SUPT3H: variants seen among roughly 807,000 people sequenced by gnomAD.
SUPT3H encodes transcription initiation protein SPT3 homolog.
In SUPT3H, 44 loss-of-function variants were observed where a neutral mutation model predicts 44.3. The observed-to-expected ratio is 0.99, with a 90% CI of 0.78 to 1.28. The LOEUF is 1.28. Among genes scored for constraint, SUPT3H ranks in the 50% most tolerant of loss-of-function variants. The pLI is 0.00. For missense variants in SUPT3H, 380 were observed against 387.1 expected (o/e 0.98, Z 0.15); for synonymous variants, 124 against 125.6 (o/e 0.99, Z 0.09).
At chr6:44,848,762 C>A (rs1449751436) in intron 10 of SUPT3H, among the ~76,000 whole-genome samples, 36 of 152,114 alleles carry the variant, frequency 2.4e-4, no homozygotes. Context: ...GATTACTATG[C>A]CCATTTTAGA....
At chr6:44,887,692 C>G (rs1328066690) in intron 10 of SUPT3H, among the ~76,000 whole-genome samples, 1 of 151,354 alleles carries the variant, frequency 6.6e-6, no homozygotes. Context: ...GACACCCTAA[C>G]ATCACAATTA....
chr6:45,063,284 G>T (rs1378512356), intron 3 of SUPT3H, among the ~76,000 whole-genome samples: 1 of 147,772 alleles, frequency 6.8e-6, no homozygotes, highest in African/African-American at 2.5e-5. Context: ...CAAACAGAAA[G>T]GACATCCACA....
intron 1 of SUPT3H, among the ~76,000 whole-genome samples, chr6:45,372,404 T>C (rs1448851479): frequency 6.6e-6 from 1 of 152,170 alleles, no homozygotes; most frequent in Non-Finnish European, 1.5e-5. Context: ...CTGTTAAACA[T>C]GTATATTCTC....
At chr6:45,076,297 T>C (rs1304181111) in intron 3 of SUPT3H, among the ~76,000 whole-genome samples, 1 of 152,146 alleles carries the variant, frequency 6.6e-6, no homozygotes, top group African/African-American at 2.4e-5. Context: ...CATACAGTCA[T>C]GTGAATGGTA....
chr6:45,184,383 T>A (rs1813811621), intron 2 of SUPT3H, among the ~76,000 whole-genome samples: 1 of 152,160 alleles, frequency 6.6e-6, no homozygotes, highest in African/African-American at 2.4e-5. Flanking sequence ...ATGGTAATAA[T>A]GAATCACAGC....
At chr6:45,206,989 G>A (rs1763313373) in intron 2 of SUPT3H, among the ~76,000 whole-genome samples, 1 of 152,070 alleles carries the variant, frequency 6.6e-6, no homozygotes, top group Admixed American at 6.6e-5. Flanking sequence ...AAACAGTTGG[G>A]TATATGGTAT....
chr6:44,820,367 T>A (rs767329881), intron 11 of SUPT3H, among the ~76,000 whole-genome samples: 5 of 152,172 alleles, frequency 3.3e-5, no homozygotes, highest in South Asian at 2.1e-4. Context: ...GCAAAAATGT[T>A]TTTTAAAAGA....
chr6:44,929,239 A>G (rs1770145902), intron 10 of SUPT3H, among the ~76,000 whole-genome samples: 2 of 152,160 alleles, frequency 1.3e-5, no homozygotes, highest in Admixed American at 1.3e-4. Flanking sequence ...GAAATTGATC[A>G]TGTCATTTGG....
At chr6:45,149,280 CT>C (rs1417295562) in intron 2 of SUPT3H, among the ~76,000 whole-genome samples, 3 of 152,112 alleles carry the variant, frequency 2.0e-5, no homozygotes, top group African/African-American at 7.2e-5. Flanking sequence ...TAAATGCCAA[CT>C]TGTAGCTATC....
intron 2 of SUPT3H, among the ~76,000 whole-genome samples, chr6:45,156,664 C>T (rs1160298309): frequency 6.6e-6 from 1 of 151,492 alleles, no homozygotes. Flanking sequence ...CCCAAAGAAA[C>T]ATAAATAAGT....
chr6:45,252,669 CATCT>C (rs1465073326), intron 2 of SUPT3H, among the ~76,000 whole-genome samples: 1 of 150,938 alleles, frequency 6.6e-6, no homozygotes, highest in Non-Finnish European at 1.5e-5. Context: ...TGTCAGAAAA[CATCT>C]ATCAGAAGAG....
chr6:44,979,705 T>A (rs1452466012), intron 6 of SUPT3H, among the ~76,000 whole-genome samples: 1 of 152,142 alleles, frequency 6.6e-6, no homozygotes, highest in Non-Finnish European at 1.5e-5. Context: ...TCTCATGACA[T>A]GGGACAAAAA....
intron 2 of SUPT3H, among the ~76,000 whole-genome samples, chr6:45,344,198 A>C (rs1293787431): frequency 6.6e-6 from 1 of 152,226 alleles, no homozygotes; most frequent in African/African-American, 2.4e-5. Flanking sequence ...GAGTTAGACC[A>C]TGACAAAGTT....
intron 2 of SUPT3H, among the ~76,000 whole-genome samples, chr6:45,179,133 A>C (rs1488634025): frequency 1.3e-5 from 2 of 152,214 alleles, no homozygotes; most frequent in African/African-American, 4.8e-5. Context: ...ATCTAGAAGA[A>C]ATGGATAAAT....
At chr6:45,013,322 A>G (rs1783770655) in intron 5 of SUPT3H, among the ~76,000 whole-genome samples, 1 of 151,804 alleles carries the variant, frequency 6.6e-6, no homozygotes, top group African/African-American at 2.4e-5. Context: ...CAGGATCTTC[A>G]TTGTTGTTGT....
At chr6:45,358,118 G>T (rs772131941) in intron 2 of SUPT3H, among the ~76,000 whole-genome samples, 8 of 152,036 alleles carry the variant, frequency 5.3e-5, no homozygotes, top group African/African-American at 1.2e-4. Flanking sequence ...ATCAATGACC[G>T]TGTTAAAATC....
intron 2 of SUPT3H, among the ~76,000 whole-genome samples, chr6:45,296,079 C>T (rs1781143092): frequency 6.6e-6 from 1 of 151,746 alleles, no homozygotes; most frequent in Admixed American, 6.6e-5. Flanking sequence ...ACCCAGATGC[C>T]CATCAATCAA....
Position 45,095,468 on chromosome 6 carries a change from C to T in SUPT3H, c.186+10454G>A, listed in dbSNP as rs934484269. 2.7e-5 allele frequency among the ~76,000 whole-genome samples: 4 copies of T among 146,030 alleles called. No homozygotes were observed. Among genetic ancestry groups the T allele is most frequent in the African/African-American group, 1.0e-4 (4 of 39,792 alleles). ...GAATTCAGTGCATTTTAATCCAGATCGGAGATTAAGCCATAACTCTTCACA... is the reference window on the plus strand; with the variant it reads ...GAATTCAGTGCATTTTAATCCAGATTGGAGATTAAGCCATAACTCTTCACA... On this transcript the variant is annotated intron_variant, in intron 3 of 10. Coordinates refer to ENST00000371459, the MANE Select transcript of SUPT3H (RefSeq NM_003599.4). The surrounding 1 kb of genome is among the most constrained non-coding windows in gnomAD (Gnocchi z 4.1).
At chr6:45,017,104 A>G (rs1784406987) in intron 4 of SUPT3H, among the ~76,000 whole-genome samples, 2 of 151,064 alleles carry the variant, frequency 1.3e-5, no homozygotes. Context: ...GTGATGATGA[A>G]CATTTTTTTC....
Sources: gnomAD v4.1 joint callset for allele counts (sites outside exome capture counted in the v4.1 genomes callset) on GRCh38, gnomAD v4.1.1 for gene constraint, Gnocchi (gnomAD v3.1) non-coding constraint, MANE v1.5 for transcripts, NCBI Gene and HGNC (gene_info 2026-07-23, HGNC 2026-07-21) for gene names.